Variants in RSPO4 observed in about 807,000 individuals in gnomAD.
RSPO4 encodes R-spondin 4.
RSPO4 carries 23 observed loss-of-function variants against 24.8 expected under a neutral mutation model. The ratio of observed to expected loss-of-function variants is 0.93; its 90% confidence interval spans 0.67 to 1.31. The LOEUF (loss-of-function observed/expected upper bound fraction) is 1.31, where lower values mean the gene tolerates loss of function less well. RSPO4 is among the 40% of genes most tolerant of loss of function. RSPO4 has a pLI of 0.00. For synonymous variants in RSPO4, 141 were observed against 127.4 expected (o/e 1.11, Z -0.72); for missense variants, 333 against 316.5 (o/e 1.05, Z -0.39).
intron 1 of RSPO4, among the ~76,000 whole-genome samples, chr20:994,977 G>T (rs971372181): frequency 1.3e-5 from 2 of 152,156 alleles, no homozygotes; most frequent in Non-Finnish European, 1.5e-5. Context: ...AACCTATCAG[G>T]CTCTGGAGCA....
chr20:988,301 A>C (rs1356054888), intron 1 of RSPO4, among the ~76,000 whole-genome samples: 4 of 152,134 alleles, frequency 2.6e-5, no homozygotes, highest in Non-Finnish European at 5.9e-5. Flanking sequence ...AGTGTCTGCC[A>C]CCTTGAAAGC....
intron 4 of RSPO4, among the ~76,000 whole-genome samples, chr20:961,097 T>G (rs1195977043): frequency 6.6e-6 from 1 of 152,170 alleles, no homozygotes; most frequent in Admixed American, 6.5e-5. Context: ...TTTCCTTTCT[T>G]TTTCTTCTTT....
chr20:979,800 G>A (rs1984681520), intron 1 of RSPO4, among the ~76,000 whole-genome samples: 1 of 152,106 alleles, frequency 6.6e-6, no homozygotes. Flanking sequence ...CCCTTTCACA[G>A]AACACCCCTT....
At chr20:988,669 G>A (rs1317257138) in intron 1 of RSPO4, among the ~76,000 whole-genome samples, 1 of 152,118 alleles carries the variant, frequency 6.6e-6, no homozygotes, top group African/African-American at 2.4e-5. Flanking sequence ...TCCTGCCTCA[G>A]CTTCCCTAGT....
intron 1 of RSPO4, among the ~76,000 whole-genome samples, chr20:986,195 T>G (rs1023836354): frequency 6.6e-6 from 1 of 152,068 alleles, no homozygotes; most frequent in Non-Finnish European, 1.5e-5. Context: ...GTGTACCAAT[T>G]AGGCACCTGC....
intron 1 of RSPO4, among the ~76,000 whole-genome samples, chr20:990,997 G>A (rs1985083119): frequency 6.6e-6 from 1 of 152,234 alleles, no homozygotes; most frequent in Admixed American, 6.5e-5. Context: ...GCGTCCTCAG[G>A]AAGGCCCGAG....
chr20:1,002,155 G>C lies in RSPO4; in HGVS notation c.10C>G (p.Pro4Ala), dbSNP rs1168223344. The stretch of plus-strand genomic sequence containing the variant: ...GCGACGAGCAGGAGCAGGCAGAGTG[G>C]CGCCCGCATCTGGGCAGCCGGATCC... MRA[P>A]LCLLLLVAHA... The change falls in exon 1 of 5, where the codon CCA becomes GCA. Residue 4 changes from proline to alanine, a missense_variant. By Grantham distance (27) the Pro-to-Ala change is conservative. Transcript: ENST00000217260. This position sits in a 1 kb window ranked among gnomAD's most constrained non-coding sequence, Gnocchi z 4.6. The C allele has an allele frequency of 2.6e-6, 4 of 1,555,102 alleles. No homozygotes were observed. The highest frequency in any genetic ancestry group is 3.5e-6 in the Non-Finnish European group (4 of 1,149,938).
intron 3 of RSPO4, among the ~76,000 whole-genome samples, chr20:965,123 T>G (rs370317674): frequency 6.6e-6 from 1 of 151,928 alleles, no homozygotes; most frequent in African/African-American, 2.4e-5. Flanking sequence ...CAGCCCAGGG[T>G]CTGCAGGCCT....
At chr20:962,176 G>A (rs1040591930) in intron 4 of RSPO4, among the ~76,000 whole-genome samples, 1 of 152,164 alleles carries the variant, frequency 6.6e-6, no homozygotes, top group Non-Finnish European at 1.5e-5. Context: ...GAAAACAGAC[G>A]CTGAACAAGC....
At chr20:967,852 T>TA (rs1462368152) in intron 2 of RSPO4, 98 bp downstream of exon 2, 12 of 1,229,540 alleles carry the variant, frequency 9.8e-6, no homozygotes, top group Non-Finnish European at 1.4e-5. Context: ...GACATGCACC[T>TA]ACTTCCCCTC....
Position 990,676 on chromosome 20 carries a change from G to A in RSPO4, c.79+11410C>T, listed in dbSNP as rs555194926. On this transcript the variant is annotated intron_variant, in intron 1 of 4. Coordinates refer to ENST00000217260, the MANE Select transcript of RSPO4 (RefSeq NM_001029871.4). ...GCCAAAGCAGCCCTCAGCCAGGGGC[G>A]AGCGGGAAGTGTAAGCTGTTGGCTG... Among the ~76,000 whole-genome samples, 12 of 152,270 alleles carry A rather than the reference G, an allele frequency of 7.9e-5. No homozygotes were observed. The East Asian group carries it at 1.5e-3, about 20-fold the overall frequency.
In RSPO4 at chr20:995,714, T is replaced by C. The variant is rs899628040; in HGVS notation, c.79+6372A>G. Reference sequence around the variant, plus strand: ...TACCACCCACTGGGCCTCAGTCTCCTCATCTATAATATAAAGATCCTCCTG... The same window carrying C: ...TACCACCCACTGGGCCTCAGTCTCCCCATCTATAATATAAAGATCCTCCTG... On this transcript the variant is annotated intron_variant, in intron 1 of 4. Coordinates refer to ENST00000217260, the MANE Select transcript of RSPO4 (RefSeq NM_001029871.4). 2.6e-5 allele frequency among the ~76,000 whole-genome samples: 4 copies of C among 152,270 alleles called. No homozygotes were observed. The East Asian group carries it at 7.7e-4, about 29-fold the overall frequency.
At chr20:989,529 T>C (rs1409080903) in intron 1 of RSPO4, among the ~76,000 whole-genome samples, 1 of 151,940 alleles carries the variant, frequency 6.6e-6, no homozygotes, top group East Asian at 1.9e-4. Flanking sequence ...AGGATGCCAG[T>C]AGGGAGGAGT....
At position 995,878 on chromosome 20, in the gene RSPO4, C is replaced by T. The variant is rs375073714; in HGVS notation, c.79+6208G>A. 1.2e-4 allele frequency among the ~76,000 whole-genome samples: 19 copies of T among 152,180 alleles called. 1 individual carries two copies. The highest frequency in any genetic ancestry group is 6.5e-4 in the Admixed American group (10 of 15,282). On this transcript the variant is annotated intron_variant, in intron 1 of 4. Transcript: ENST00000217260. ...GTATCAGTAGACACAGTAGTACACACGTGCACATGCATGCACACACTCACA... is the reference window on the plus strand; with the variant it reads ...GTATCAGTAGACACAGTAGTACACATGTGCACATGCATGCACACACTCACA...
chr20:980,651 CGTT>C (rs1800983299), intron 1 of RSPO4, among the ~76,000 whole-genome samples: 3 of 152,128 alleles, frequency 2.0e-5, no homozygotes, highest in Admixed American at 6.5e-5. Context: ...CCTTTTTAGA[CGTT>C]GACCTATATG....
intron 1 of RSPO4, among the ~76,000 whole-genome samples, chr20:997,456 C>T (rs918692100): frequency 8.5e-5 from 13 of 152,228 alleles, no homozygotes; most frequent in Non-Finnish European, 5.9e-5. Context: ...AGCCCCTATG[C>T]TATGAAGAAA....
In RSPO4 at chr20:963,915, G is replaced by A. The variant is rs1003255531; in HGVS notation, c.595+20C>T. The stretch of plus-strand genomic sequence containing the variant: ...TGGGCCTTTCCCACCGCAGCCTCGT[G>A]TGCCTGTCCTGGGGCTCACCTCCTG... On this transcript the variant is annotated intron_variant, in intron 4 of 4. Transcript: ENST00000217260. The A allele has an allele frequency of 1.9e-6, 3 of 1,612,618 alleles. No homozygotes were observed. Among genetic ancestry groups the A allele is most frequent in the Non-Finnish European group, 1.7e-6 (2 of 1,179,590 alleles).
Position 970,367 on chromosome 20 carries a change from C to T in RSPO4, c.80-2229G>A, listed in dbSNP as rs1984369568. 6.6e-6 allele frequency among the ~76,000 whole-genome samples: 1 copy of T among 152,186 alleles called. No homozygotes were observed. Among genetic ancestry groups the T allele is most frequent in the Non-Finnish European group, 1.5e-5 (1 of 68,026 alleles). The stretch of plus-strand genomic sequence containing the variant: ...GTTCCTTAGATTCGGTGAGGCCCCA[C>T]ATCCTGCTGATAACCCTCTTTCTGT... On this transcript the variant is annotated intron_variant, in intron 1 of 4. Coordinates refer to ENST00000217260, the MANE Select transcript of RSPO4 (RefSeq NM_001029871.4). The surrounding 1 kb of genome is among the most constrained non-coding windows in gnomAD (Gnocchi z 4.1).
chr20:995,407 C>G (rs1363857459), intron 1 of RSPO4, among the ~76,000 whole-genome samples: 1 of 152,212 alleles, frequency 6.6e-6, no homozygotes, highest in Non-Finnish European at 1.5e-5. Flanking sequence ...TGTAAGCTGG[C>G]GGTAGAGGCA....
Sources: allele counts gnomAD v4.1 joint callset (sites outside exome capture counted in the v4.1 genomes callset), GRCh38; gene constraint gnomAD v4.1.1; non-coding constraint Gnocchi (gnomAD v3.1); transcripts MANE v1.5; gene names NCBI Gene and HGNC (gene_info 2026-07-23, HGNC 2026-07-21).